Variants in FHIT observed in about 807,000 individuals in gnomAD.
The protein encoded by FHIT is fragile histidine triad diadenosine triphosphatase, also known as bis(5'-adenosyl)-triphosphatase.
Under a neutral mutation model 17.9 loss-of-function variants are expected in FHIT, and 19 were observed. The ratio of observed to expected loss-of-function variants is 1.06; its 90% CI spans 0.74 to 1.56. The LOEUF is 1.56. FHIT is among the 40% of genes most tolerant of loss of function. FHIT has a pLI of 0.00. For synonymous variants in FHIT, 81 were observed against 69.7 expected (o/e 1.16, Z -0.81); for missense variants, 248 against 189.2 (o/e 1.31, Z -1.82).
chr3:59,750,726 T>TTAGAATACTCTAAA (rs1700850480), intron 9 of FHIT: 1 of 213,402 alleles, frequency 4.7e-6, no homozygotes, highest in Admixed American at 5.9e-5. Flanking sequence ...CTTTAACTAT[T>TTAGAATACTCTAAA]TAGAATACTC....
At chr3:61,094,368 T>C (rs971820673) in intron 2 of FHIT, among the ~76,000 whole-genome samples, 1 of 152,180 alleles carries the variant, frequency 6.6e-6, no homozygotes, top group African/African-American at 2.4e-5. Context: ...GACAGAACAA[T>C]AACTTCTTTG....
At chr3:61,133,014 G>A (rs1349331151) in intron 2 of FHIT, among the ~76,000 whole-genome samples, 1 of 152,134 alleles carries the variant, frequency 6.6e-6, no homozygotes, top group Non-Finnish European at 1.5e-5. Context: ...AAAATCAATG[G>A]TAGTTGGCGA....
intron 5 of FHIT, among the ~76,000 whole-genome samples, chr3:60,277,007 T>G (rs1467968786): frequency 6.6e-6 from 1 of 152,042 alleles, no homozygotes; most frequent in South Asian, 2.1e-4. Context: ...ACATGAGATT[T>G]GGAGCGGACA....
chr3:60,636,140 G>A (rs782431922), intron 4 of FHIT, among the ~76,000 whole-genome samples: 6 of 151,384 alleles, frequency 4.0e-5, no homozygotes, highest in Admixed American at 6.6e-5. Flanking sequence ...TCTCAATCTC[G>A]GCTCACTGCA....
In FHIT at chr3:60,337,199, C is replaced by CT. The variant is rs200262883; in HGVS notation, c.103+199660dup. Among the ~76,000 whole-genome samples the CT allele has an allele frequency of 4.8e-3, 729 of 152,126 alleles. 4 individuals are homozygous for CT. The highest frequency in any genetic ancestry group is 0.016 in the African/African-American group (646 of 41,504). ...GCTGCTCTACATTAGGGAATGCATA[C>CT]TTTTTTATCGAAAGGTAGGAAAAAT... On this transcript the variant is annotated intron_variant, in intron 5 of 9. Transcript: ENST00000492590.
chr3:60,854,140 CAT>C (rs1703269132), intron 3 of FHIT, among the ~76,000 whole-genome samples: 2 of 152,110 alleles, frequency 1.3e-5, no homozygotes, highest in South Asian at 4.1e-4. Context: ...ACCTGGGTAT[CAT>C]ATCCCACAAG....
chr3:60,773,931 T>C (rs1278326431), intron 4 of FHIT, among the ~76,000 whole-genome samples: 3 of 152,248 alleles, frequency 2.0e-5, no homozygotes, highest in African/African-American at 7.2e-5. Flanking sequence ...GTTTCTCAAC[T>C]CATTTCTTCT....
chr3:60,875,209 CT>C (rs1704589553), intron 3 of FHIT, among the ~76,000 whole-genome samples: 1 of 152,098 alleles, frequency 6.6e-6, no homozygotes, highest in Non-Finnish European at 1.5e-5. Context: ...GTCTGACTAC[CT>C]TGGAAACCTT....
intron 4 of FHIT, among the ~76,000 whole-genome samples, chr3:60,677,385 C>A (rs1553695642): frequency 6.6e-6 from 1 of 152,106 alleles, no homozygotes; most frequent in Non-Finnish European, 1.5e-5. Context: ...TTATTCAGCT[C>A]CCACGTGTGA....
chr3:61,239,761 C>A lies in FHIT; in HGVS notation c.-213+11540G>T, dbSNP rs60586302. 1.3e-3 allele frequency among the ~76,000 whole-genome samples: 80 copies of A among 63,082 alleles called. 1 individual carries two copies. In the East Asian group the frequency reaches 0.02, roughly 16 times the overall value. 41.4% of individuals were successfully genotyped at this position (63,082 alleles called of 152,430 possible). On this transcript the variant is annotated intron_variant, in intron 1 of 9. Transcript: ENST00000492590. ...TAAAACTGCAAAGAAAAACAACTGGCCATATATATATATATATATATATAC... is the reference window on the plus strand; with the variant it reads ...TAAAACTGCAAAGAAAAACAACTGGACATATATATATATATATATATATAC...
intron 5 of FHIT, among the ~76,000 whole-genome samples, chr3:60,209,143 G>A (rs142979289): frequency 2.0e-5 from 3 of 152,110 alleles, no homozygotes; most frequent in African/African-American, 7.2e-5. Context: ...AATGTATTCA[G>A]GCCTTATGAA....
At chr3:59,978,090 C>T (rs1376146819) in intron 7 of FHIT, among the ~76,000 whole-genome samples, 2 of 152,046 alleles carry the variant, frequency 1.3e-5, no homozygotes, top group South Asian at 2.1e-4. Flanking sequence ...TCATAATAAA[C>T]CTGTGGGTAA....
intron 5 of FHIT, among the ~76,000 whole-genome samples, chr3:60,431,724 A>T (rs183164608): frequency 6.9e-4 from 105 of 152,146 alleles, no homozygotes; most frequent in African/African-American, 2.3e-3. Context: ...AACTTGGCTT[A>T]CAAACTTCCC....
chr3:60,474,112 G>A (rs867082080), intron 5 of FHIT, among the ~76,000 whole-genome samples: 12 of 152,276 alleles, frequency 7.9e-5, no homozygotes, highest in African/African-American at 2.9e-4. Context: ...GACAGGGAAT[G>A]TGTCTGCTTA....
chr3:60,430,859 G>C (rs1009822235), intron 5 of FHIT, among the ~76,000 whole-genome samples: 12 of 152,064 alleles, frequency 7.9e-5, no homozygotes, highest in African/African-American at 2.9e-4. Flanking sequence ...CAAGGGTGGT[G>C]AGATTCAGGG....
chr3:60,030,254 A>C (rs1020601254), intron 5 of FHIT, among the ~76,000 whole-genome samples: 13 of 152,210 alleles, frequency 8.5e-5, no homozygotes, highest in African/African-American at 3.1e-4. Flanking sequence ...GATAATGCGC[A>C]ACAAGCAAAA....
chr3:60,564,990 C>T (rs886465809), intron 4 of FHIT, among the ~76,000 whole-genome samples: 1 of 152,120 alleles, frequency 6.6e-6, no homozygotes, highest in African/African-American at 2.4e-5. Context: ...GTATGGCAAA[C>T]TTCATTTTTA....
intron 3 of FHIT, among the ~76,000 whole-genome samples, chr3:60,945,492 G>A (rs1032251383): frequency 3.9e-5 from 6 of 152,050 alleles, no homozygotes; most frequent in Non-Finnish European, 7.4e-5. Context: ...TCCTGGGTTC[G>A]AGTGATTCTC....
chr3:60,925,866 T>C (rs1707575372), intron 3 of FHIT, among the ~76,000 whole-genome samples: 2 of 152,100 alleles, frequency 1.3e-5, no homozygotes, highest in Admixed American at 1.3e-4. Flanking sequence ...GAAGAAGATC[T>C]ACCAAGCAAA....
Sources: allele counts gnomAD v4.1 joint callset (sites outside exome capture counted in the v4.1 genomes callset), GRCh38; gene constraint gnomAD v4.1.1; transcripts MANE v1.5; gene names NCBI Gene and HGNC (gene_info 2026-07-23, HGNC 2026-07-21).